Variants in MYO5A observed in about 807,000 individuals in gnomAD.
The protein encoded by MYO5A is myosin VA.
A neutral mutation model predicts 249.7 loss-of-function variants in MYO5A; 98 were observed. The observed-to-expected ratio is 0.39, with a 90% CI of 0.33 to 0.46. The LOEUF is 0.46. Ranked by LOEUF, MYO5A falls within the 20% of genes least tolerant of loss-of-function variation. The pLI, the probability that MYO5A is intolerant of heterozygous loss-of-function variation, is 0.98. For synonymous variants in MYO5A, 778 were observed against 810.6 expected, an observed-to-expected ratio of 0.96 and a Z score of 0.68; for missense variants, 1,696 against 2,308.8, an observed-to-expected ratio of 0.73 and a Z score of 5.44.
intron 1 of MYO5A, among the ~76,000 whole-genome samples, chr15:52,464,237 T>C (rs1410345046): frequency 1.3e-5 from 2 of 152,350 alleles, no homozygotes; most frequent in East Asian, 3.9e-4. Context: ...TACTATACTC[T>C]ACGATGTACT....
intron 1 of MYO5A, among the ~76,000 whole-genome samples, chr15:52,482,324 T>A (rs948710399): frequency 1.3e-5 from 2 of 152,216 alleles, no homozygotes; most frequent in African/African-American, 4.8e-5. Flanking sequence ...CAGAAGGGAA[T>A]AGAACTCATA....
At chr15:52,392,099 T>TTA (rs768155849) in intron 11 of MYO5A, 29 bp from the exon 12 acceptor site, 1 of 1,596,922 alleles carries the variant, frequency 6.3e-7, no homozygotes, top group East Asian at 2.2e-5. Flanking sequence ...AAAGCAGTCA[T>TTA]TACTGGATCA....
chr15:52,335,672 GTTAT>G (rs2039085692), intron 34 of MYO5A, among the ~76,000 whole-genome samples: 1 of 151,944 alleles, frequency 6.6e-6, no homozygotes, highest in Non-Finnish European at 1.5e-5. Context: ...CTGATATTTG[GTTAT>G]TTCTCAAGGA....
At chr15:52,350,487 G>T (rs984714631) in intron 28 of MYO5A, among the ~76,000 whole-genome samples, 4 of 152,144 alleles carry the variant, frequency 2.6e-5, no homozygotes, top group African/African-American at 9.7e-5. Flanking sequence ...TATATATCAT[G>T]GATTTTTTTA....
intron 17 of MYO5A, 26 bp downstream of exon 17, chr15:52,379,796 T>C: frequency 6.2e-7 from 1 of 1,614,092 alleles, no homozygotes. Flanking sequence ...TTAGGATCCC[T>C]TACATCTGAA....
intron 4 of MYO5A, 70 bp downstream of exon 4, chr15:52,425,760 T>C (rs546581774): frequency 2.1e-5 from 32 of 1,549,338 alleles, no homozygotes; most frequent in Non-Finnish European, 2.7e-5. Context: ...TTAAAATATA[T>C]GTGACTTAGC....
rs2141026001 is a variant in MYO5A, at chr15:52,353,620, T to C, written c.3606A>G (p.Glu1202=). Residue 1202 remains glutamate (E), a synonymous_variant, in exon 27 of 42, where the codon GAA becomes GAG. Coordinates refer to ENST00000399233, the MANE Select transcript of MYO5A (RefSeq NM_001382347.1). ...ERPQIRGAEL[E]YESLKRQELE... ...TCCCCATTACCTTGAGTGACTCATA[T>C]TCCAGTTCTGCACCTCTAATTTGTG... The C allele has an allele frequency of 6.2e-7, 1 of 1,614,096 alleles. No individual in the cohort carries two copies. The highest frequency in any genetic ancestry group is 2.2e-5 in the East Asian group (1 of 44,886).
At chr15:52,520,212 T>C (rs923262128) in intron 1 of MYO5A, among the ~76,000 whole-genome samples, 1 of 152,214 alleles carries the variant, frequency 6.6e-6, no homozygotes, top group Non-Finnish European at 1.5e-5. Context: ...TTATTTTGAC[T>C]ACCTAGCACT....
At chr15:52,487,903 C>G (rs1230680421) in intron 1 of MYO5A, among the ~76,000 whole-genome samples, 1 of 152,026 alleles carries the variant, frequency 6.6e-6, no homozygotes, top group East Asian at 1.9e-4. Flanking sequence ...GCTGAGATGA[C>G]CTATCCACCA....
intron 5 of MYO5A, among the ~76,000 whole-genome samples, chr15:52,411,305 T>C (rs1476419562): frequency 6.6e-6 from 1 of 152,206 alleles, no homozygotes; most frequent in Non-Finnish European, 1.5e-5. Flanking sequence ...AGTTAGACTA[T>C]TTATTAGTAG....
intron 40 of MYO5A, 60 bp downstream of exon 40, chr15:52,316,988 T>TC: frequency 6.5e-7 from 1 of 1,536,864 alleles, no homozygotes; most frequent in Admixed American, 1.7e-5. Context: ...CTTCTTTACT[T>TC]CCCTAAAGAT....
chr15:52,519,674 A>C (rs1327204543), intron 1 of MYO5A, among the ~76,000 whole-genome samples: 2 of 151,902 alleles, frequency 1.3e-5, no homozygotes, highest in African/African-American at 2.4e-5. Context: ...AGACTGAATA[A>C]ATTTTCAAAA....
intron 9 of MYO5A, among the ~76,000 whole-genome samples, chr15:52,398,834 C>T (rs549913790): frequency 6.6e-6 from 1 of 151,976 alleles, no homozygotes; most frequent in Non-Finnish European, 1.5e-5. Context: ...ACCAAAAATA[C>T]AAAAATTAGC....
At chr15:52,335,390 C>T (rs1410727407) in intron 34 of MYO5A, among the ~76,000 whole-genome samples, 1 of 151,942 alleles carries the variant, frequency 6.6e-6, no homozygotes, top group East Asian at 1.9e-4. Context: ...GTGGCATGCA[C>T]CTGTAATCCC....
At chr15:52,529,017 G>A (rs1277189865), upstream of MYO5A, 2 of 250,052 alleles carry the variant, frequency 8.0e-6, no homozygotes, top group East Asian at 1.9e-4. Flanking sequence ...CGGGCTCGCC[G>A]CGAGCAGCCG....
At chr15:52,436,589 T>G (rs1411725105) in intron 1 of MYO5A, among the ~76,000 whole-genome samples, 1 of 152,228 alleles carries the variant, frequency 6.6e-6, no homozygotes, top group Non-Finnish European at 1.5e-5. Flanking sequence ...TCACCTGCTG[T>G]TATGTTCTTG....
intron 11 of MYO5A, among the ~76,000 whole-genome samples, chr15:52,396,091 C>T (rs890518792): frequency 1.3e-5 from 2 of 152,190 alleles, no homozygotes; most frequent in Admixed American, 6.5e-5. Flanking sequence ...ATCTATTTGT[C>T]CCAAATTTTC....
chr15:52,459,936 G>A (rs536789882), intron 1 of MYO5A, among the ~76,000 whole-genome samples: 1,953 of 151,124 alleles, frequency 0.013, 34 homozygotes, highest in African/African-American at 0.037. Context: ...CAGACGGGGC[G>A]GCCGGTCAGA....
chr15:52,336,416 A>T, intron 34 of MYO5A, 47 bp downstream of exon 34: 1 of 1,287,150 alleles, frequency 7.8e-7, no homozygotes, highest in South Asian at 1.2e-5. Flanking sequence ...TTAAGCCAAG[A>T]CTCAAACCAA....
Sources: gnomAD v4.1 joint callset for allele counts (sites outside exome capture counted in the v4.1 genomes callset) on GRCh38, gnomAD v4.1.1 for gene constraint, MANE v1.5 for transcripts, NCBI Gene and HGNC (gene_info 2026-07-23, HGNC 2026-07-21) for gene names.